ZKSCAN2: variants seen among roughly 807,000 people sequenced by gnomAD.
The protein encoded by ZKSCAN2 is zinc finger protein with KRAB and SCAN domains 2.
A neutral mutation model predicts 90.5 loss-of-function variants in ZKSCAN2; 38 were observed. That is an observed-to-expected ratio of 0.42 (90% CI 0.32 to 0.55). ZKSCAN2 has a LOEUF of 0.55. Ranked by LOEUF, ZKSCAN2 falls within the 20% of genes least tolerant of loss-of-function variation. ZKSCAN2 has a pLI of 0.11. For missense variants in ZKSCAN2, 1,167 were observed against 1,202.6 expected, an observed-to-expected ratio of 0.97 and a Z score of 0.44; for synonymous variants, 429 against 421.6, an observed-to-expected ratio of 1.02 and a Z score of -0.22.
At position 25,252,984 on chromosome 16, in the gene ZKSCAN2, G is replaced by C; in HGVS notation, c.640C>G (p.Gln214Glu). 6.2e-7 allele frequency: 1 copy of C among 1,614,066 alleles called. No homozygotes were observed. The highest frequency in any genetic ancestry group is 8.5e-7 in the Non-Finnish European group (1 of 1,179,968). ...ALADEWNTLD[Q>E]EVTTTRLPAG... ...GGAAGCCGTGTGGTTGTCACTTCCT[G>C]ATCTAGGGTATTCCATTCATCAGCA... The change falls in exon 3 of 7, where the codon CAG becomes GAG. Residue 214 changes from glutamine (Q) to glutamate (E), a missense_variant. Physicochemically the swap from Gln to Glu is conservative, Grantham distance 29. Coordinates refer to ENST00000328086, the MANE Select transcript of ZKSCAN2 (RefSeq NM_001012981.5).
rs548835831 is a variant in ZKSCAN2, at chr16:25,242,338, T to A, written c.1981+1447A>T. Reference sequence around the variant, plus strand: ...TTGTTTCCAGTTATCAAAGCCAGGGTTCTACAGGACTTAATTCAAGCCTTC... The same window carrying A: ...TTGTTTCCAGTTATCAAAGCCAGGGATCTACAGGACTTAATTCAAGCCTTC... On this transcript the variant is annotated intron_variant, in intron 6 of 6. Transcript: ENST00000328086. Among the ~76,000 whole-genome samples, 9 of 152,298 alleles carry A rather than the reference T, an allele frequency of 5.9e-5. No individual in the cohort carries two copies. In the South Asian group the frequency reaches 1.9e-3, roughly 32 times the overall value.
In ZKSCAN2 at chr16:25,254,880, A is replaced by G. The variant is rs1597647540; in HGVS notation, c.586+326T>C. Among the ~76,000 whole-genome samples the G allele has an allele frequency of 2.0e-5, 3 of 150,216 alleles. No individual in the cohort carries two copies. The South Asian group carries it at 6.3e-4, about 32-fold the overall frequency. ...GTGATCACGGCTTACTGCAGCCTCAACCTCCTGGGTTCAAGCAATCCTCCT... is the reference window on the plus strand; with the variant it reads ...GTGATCACGGCTTACTGCAGCCTCAGCCTCCTGGGTTCAAGCAATCCTCCT... On this transcript the variant is annotated intron_variant, in intron 2 of 6. Coordinates refer to ENST00000328086, the MANE Select transcript of ZKSCAN2 (RefSeq NM_001012981.5).
chr16:25,246,305 T>G (rs1163861054), intron 5 of ZKSCAN2: 2 of 165,532 alleles, frequency 1.2e-5, no homozygotes, highest in African/African-American at 4.8e-5. Context: ...CTGTTGAAAC[T>G]GTTACAAAAT....
chr16:25,247,410 T>C lies in ZKSCAN2; in HGVS notation c.806-20A>G. On this transcript the variant is annotated intron_variant, in intron 4 of 6. Transcript: ENST00000328086. ...CACTTCCTACAGTAAAATAAACATATTTCATGGTAGACATAGAAGTCATTA... is the reference window on the plus strand; with the variant it reads ...CACTTCCTACAGTAAAATAAACATACTTCATGGTAGACATAGAAGTCATTA... 3.2e-6 allele frequency: 5 copies of C among 1,581,122 alleles called. No individual in the cohort carries two copies. The highest frequency in any genetic ancestry group is 3.4e-6 in the Non-Finnish European group (4 of 1,166,692).
At chr16:25,249,986 A>G (rs949787784) in intron 4 of ZKSCAN2, among the ~76,000 whole-genome samples, 1 of 152,182 alleles carries the variant, frequency 6.6e-6, no homozygotes, top group Non-Finnish European at 1.5e-5. Flanking sequence ...AAATATAGGA[A>G]AAAAAATATA....
At chr16:25,250,220 A>G (rs1390902552) in intron 4 of ZKSCAN2, among the ~76,000 whole-genome samples, 1 of 152,122 alleles carries the variant, frequency 6.6e-6, no homozygotes, top group Non-Finnish European at 1.5e-5. Flanking sequence ...GAGGCAGGAG[A>G]ATCGCTTGAA....
chr16:25,241,805 C>A (rs1257297222), intron 6 of ZKSCAN2, among the ~76,000 whole-genome samples: 1 of 152,186 alleles, frequency 6.6e-6, no homozygotes, highest in Middle Eastern at 3.2e-3. Flanking sequence ...AGTGTGGAGG[C>A]TGTGGCATGG....
rs768942869 is a variant in ZKSCAN2 at position 25,247,368 on chromosome 16, G to C, written c.828C>G (p.Asn276Lys). ...VSLGSAVSTS[N>K]KITRLEQRKE... is the part of the protein sequence containing the mutation. ...TTCTCTGTTCCAACCGGGTTATCTT[G>C]TTAGATGTAGACACTGCACTTCCTA... is the stretch of plus-strand genomic sequence containing the variant. The change falls in exon 5 of 7, where the codon AAC becomes AAG. Residue 276 changes from asparagine to lysine, a missense_variant. Asn to Lys is a moderately conservative substitution (Grantham distance 94, BLOSUM62 0). Transcript: ENST00000328086. 1.2e-6 allele frequency: 2 copies of C among 1,609,582 alleles called. No homozygotes were observed. Among genetic ancestry groups the C allele is most frequent in the Non-Finnish European group, 1.7e-6 (2 of 1,179,750 alleles).
Position 25,253,036 on chromosome 16 carries a change from A to G in ZKSCAN2, c.588T>C (p.Ala196=). ...KRERRPLPKN[A]RPSPWVPALA... ...GGGCAGGAACCCAGGGAGAAGGCCGAGCTGTAAGAATAGAAAGAAACGATT... is the reference window on the plus strand; with the variant it reads ...GGGCAGGAACCCAGGGAGAAGGCCGGGCTGTAAGAATAGAAAGAAACGATT... Residue 196 remains alanine (A), a splice_region_variant and synonymous_variant, in exon 3 of 7, where the codon GCT becomes GCC. Transcript: ENST00000328086. The G allele has an allele frequency of 1.2e-6, 2 of 1,613,024 alleles. No homozygotes were observed. The highest frequency in any genetic ancestry group is 8.5e-7 in the Non-Finnish European group (1 of 1,179,020).
rs1963122571 is a variant in ZKSCAN2, at chr16:25,257,344, T to C, written c.-217A>G. On this transcript the variant is annotated 5_prime_UTR_variant, in exon 1 of 7. Coordinates refer to ENST00000328086, the MANE Select transcript of ZKSCAN2 (RefSeq NM_001012981.5). ...TCTAAGATGCAAAAGCCTGGCCTCT[T>C]CTCCAAACAAGATGTGACCGCGCAA... The C allele has an allele frequency of 3.1e-6, 4 of 1,304,228 alleles. No homozygotes were observed. The Admixed American group carries it at 1.5e-4, about 48-fold the overall frequency. 80.8% of individuals were successfully genotyped at this position (1,304,228 alleles called of 1,614,324 possible).
chr16:25,250,899 G>C (rs1414151311), intron 4 of ZKSCAN2, among the ~76,000 whole-genome samples: 1 of 152,054 alleles, frequency 6.6e-6, no homozygotes, highest in Non-Finnish European at 1.5e-5. Context: ...TGGGATTACA[G>C]GCATGTTCCA....
chr16:25,246,404 T>A, intron 5 of ZKSCAN2: 1 of 407,804 alleles, frequency 2.5e-6, no homozygotes, highest in Non-Finnish European at 4.4e-6. Context: ...TATCAGATAA[T>A]ACAAGATCCT....
rs900639535 is a variant in ZKSCAN2, at chr16:25,257,222, A to G, written c.-95T>C. On this transcript the variant is annotated 5_prime_UTR_variant, in exon 1 of 7. Coordinates refer to ENST00000328086, the MANE Select transcript of ZKSCAN2 (RefSeq NM_001012981.5). ...TGCTTAATGTTCCTGGGAGTGTGAT[A>G]AGGTACGGAGGTAAAAACGGCCAGG... The G allele has an allele frequency of 6.6e-7, 1 of 1,505,598 alleles. No homozygotes were observed. Among genetic ancestry groups the G allele is most frequent in the Non-Finnish European group, 8.8e-7 (1 of 1,134,296 alleles). 93.3% of individuals were successfully genotyped at this position (1,505,598 alleles called of 1,614,324 possible). A position where few individuals can be genotyped will look rare whatever the true frequency, so the allele number is the denominator to read the frequency against.
Position 25,255,388 on chromosome 16 carries a change from C to A in ZKSCAN2, c.404G>T (p.Ser135Ile). 6.2e-7 allele frequency: 1 copy of A among 1,609,960 alleles called. No individual in the cohort carries two copies. Among genetic ancestry groups the A allele is most frequent in the Non-Finnish European group, 8.5e-7 (1 of 1,179,620 alleles). ...GTGCTTCTCCCGGTGCACGGGACTG[C>A]TGACCTGAGAAATGAAGTCAATACC... ...KETGRLRQQV[S>I]SPVHREKHSP... The change falls in exon 2 of 7, where the codon AGC becomes ATC. Residue 135 changes from serine to isoleucine, a missense_variant. Ser to Ile is a moderately radical substitution (Grantham distance 142). Transcript: ENST00000328086.
chr16:25,239,511 G>A lies in ZKSCAN2; in HGVS notation c.*305C>T. 4.1e-6 allele frequency: 1 copy of A among 243,486 alleles called. No homozygotes were observed. Among genetic ancestry groups the A allele is most frequent in the Non-Finnish European group, 8.0e-6 (1 of 125,694 alleles). The allele number at this position is 243,486 out of a possible 1,614,324, so 15.1% of individuals were successfully genotyped here. The stretch of plus-strand genomic sequence containing the variant: ...GAAGACAACTCTCACCCATATGGAA[G>A]ATCTTGAATGTTGCCGAACTTAGCA... On this transcript the variant is annotated 3_prime_UTR_variant, in exon 7 of 7. Transcript: ENST00000328086.
At position 25,236,964 on chromosome 16, in the gene ZKSCAN2, T is replaced by A. The variant is rs890477358; in HGVS notation, c.*2852A>T. The A allele has an allele frequency of 1.4e-4, 22 of 152,728 alleles. No individual in the cohort carries two copies. The highest frequency in any genetic ancestry group is 5.1e-4 in the African/African-American group (21 of 41,568). 9.5% of individuals were successfully genotyped at this position (152,728 alleles called of 1,614,324 possible). A position where few individuals can be genotyped will look rare whatever the true frequency, so the allele number is the denominator to read the frequency against. On this transcript the variant is annotated 3_prime_UTR_variant, in exon 7 of 7. Coordinates refer to ENST00000328086, the MANE Select transcript of ZKSCAN2 (RefSeq NM_001012981.5). ...TGGGGTAGTTGGTTGAGGTGGGCTG[T>A]AAGTTTTGTTGAACTTTCCAGCAGC...
intron 4 of ZKSCAN2, among the ~76,000 whole-genome samples, chr16:25,251,514 T>C (rs1416432460): frequency 1.3e-5 from 2 of 152,200 alleles, no homozygotes; most frequent in Admixed American, 6.5e-5. Flanking sequence ...AATTGAGAAT[T>C]TGCCAGCTTA....
At position 25,244,078 on chromosome 16, in the gene ZKSCAN2, T is replaced by C. The variant is rs781607090; in HGVS notation, c.1688A>G (p.Lys563Arg). Residue 563 changes from lysine to arginine, a missense_variant, in exon 6 of 7, where the codon AAG (lysine) becomes AGG (arginine). Physicochemically the swap from Lys to Arg is conservative, Grantham distance 26. Transcript: ENST00000328086. ...KFKSLQKSYR[K>R]VKNGHVLESC... is the part of the protein sequence containing the mutation. ...CTCTAGCACGTGGCCATTTTTCACC[T>C]TGCGGTAACTCTTCTGAAGGCTTTT... is the stretch of plus-strand genomic sequence containing the variant. 3.7e-6 allele frequency: 6 copies of C among 1,614,208 alleles called. No individual in the cohort carries two copies. In the Admixed American group the frequency reaches 8.3e-5, roughly 22 times the overall value.
At chr16:25,246,622 C>T (rs540535573) in intron 5 of ZKSCAN2, 85 bp downstream of exon 5, 92 of 1,442,578 alleles carry the variant, frequency 6.4e-5, no homozygotes, top group South Asian at 5.2e-4. Context: ...CAGCACCCCC[C>T]GGGTTTGGCC....
Sources: gnomAD v4.1 joint callset for allele counts (sites outside exome capture counted in the v4.1 genomes callset) on GRCh38, gnomAD v4.1.1 for gene constraint, MANE v1.5 for transcripts, NCBI Gene and HGNC (gene_info 2026-07-23, HGNC 2026-07-21) for gene names.